PIEZO2: variants seen among roughly 807,000 people sequenced by gnomAD.
PIEZO2 encodes piezo type mechanosensitive ion channel component 2, also known as piezo-type mechanosensitive ion channel component 2.
A neutral mutation model predicts 337.3 loss-of-function variants in PIEZO2; 172 were observed. The observed-to-expected ratio is 0.51, with a 90% CI of 0.45 to 0.58. The LOEUF is 0.58. PIEZO2 is among the 20% of genes least tolerant of loss of function. The pLI, the probability that PIEZO2 is intolerant of heterozygous loss-of-function variation, is 0.00. For synonymous variants in PIEZO2, 1,251 were observed against 1,228.5 expected, an observed-to-expected ratio of 1.02 and a Z score of -0.38; for missense variants, 3,028 against 3,391.3, an observed-to-expected ratio of 0.89 and a Z score of 2.66.
In PIEZO2 at chr18:10,872,912, A is replaced by T. The variant is rs1431330214; in HGVS notation, c.330-1497T>A. On this transcript the variant is annotated intron_variant, in intron 4 of 55. Transcript: ENST00000674853. This position sits in a 1 kb window ranked among gnomAD's most constrained non-coding sequence, Gnocchi z 4.3. ...GTACCAGCATTAAAACTTCTGGGGA[A>T]GATAAGATGATCCATGGAAAAATCA... 6.6e-6 allele frequency among the ~76,000 whole-genome samples: 1 copy of T among 152,208 alleles called. No individual in the cohort carries two copies. The highest frequency in any genetic ancestry group is 2.4e-5 in the African/African-American group (1 of 41,466).
chr18:11,104,786 C>T lies in PIEZO2; in HGVS notation c.65-38564G>A, dbSNP rs552500980. The stretch of plus-strand genomic sequence containing the variant: ...GGGACATAACTACAATGCAGTATAA[C>T]GGCGCCTGCTTCTCTTGGGGACCAC... On this transcript the variant is annotated intron_variant, in intron 1 of 55. Coordinates refer to ENST00000674853, the MANE Select transcript of PIEZO2 (RefSeq NM_001378183.1). This position sits in a 1 kb window ranked among gnomAD's most constrained non-coding sequence, Gnocchi z 4.6. Among the ~76,000 whole-genome samples, 33 of 152,292 alleles carry T rather than the reference C, an allele frequency of 2.2e-4. No homozygotes were observed. The highest frequency in any genetic ancestry group is 3.6e-4 in the African/African-American group (15 of 41,576).
intron 4 of PIEZO2, among the ~76,000 whole-genome samples, chr18:10,892,883 A>G: frequency 6.6e-6 from 1 of 152,266 alleles, no homozygotes; most frequent in South Asian, 2.1e-4. Context: ...GTTGAAAATA[A>G]CAGAAATTGT....
chr18:10,983,949 C>G (rs933175685), intron 2 of PIEZO2, among the ~76,000 whole-genome samples: 2 of 152,100 alleles, frequency 1.3e-5, no homozygotes, highest in African/African-American at 4.8e-5. Flanking sequence ...AGAAGGCACA[C>G]AATCCTAAGA....
At chr18:10,950,746 C>T (rs112853315) in intron 3 of PIEZO2, among the ~76,000 whole-genome samples, 6 of 152,174 alleles carry the variant, frequency 3.9e-5, no homozygotes, top group African/African-American at 1.4e-4. Flanking sequence ...TGTACCAAAT[C>T]CGAGCTTCCT....
At chr18:10,960,779 C>A (rs2033737234) in intron 3 of PIEZO2, among the ~76,000 whole-genome samples, 1 of 152,168 alleles carries the variant, frequency 6.6e-6, no homozygotes, top group Non-Finnish European at 1.5e-5. Context: ...TCTTAGGGAC[C>A]TTGGGAAAAA....
intron 3 of PIEZO2, among the ~76,000 whole-genome samples, chr18:10,933,938 G>A (rs2032230824): frequency 6.6e-6 from 1 of 152,142 alleles, no homozygotes. Context: ...TTTGCTTTTT[G>A]CCATGATTGT....
intron 8 of PIEZO2, among the ~76,000 whole-genome samples, chr18:10,806,363 A>C (rs575781851): frequency 2.6e-4 from 39 of 152,250 alleles, no homozygotes; most frequent in African/African-American, 9.1e-4. Context: ...CATTTAGGGG[A>C]AAGAAAAGCA....
chr18:10,700,750 G>A (rs909680134), intron 43 of PIEZO2, among the ~76,000 whole-genome samples: 2 of 152,164 alleles, frequency 1.3e-5, no homozygotes, highest in African/African-American at 4.8e-5. Context: ...TTATTAATAT[G>A]TTCATAACAA....
chr18:11,014,199 G>C (rs1257586986), intron 2 of PIEZO2, among the ~76,000 whole-genome samples: 1 of 151,554 alleles, frequency 6.6e-6, no homozygotes, highest in African/African-American at 2.4e-5. Flanking sequence ...CACCCTGGGT[G>C]GGACAGCGAT....
intron 2 of PIEZO2, among the ~76,000 whole-genome samples, chr18:11,063,308 C>A (rs2038037495): frequency 6.6e-6 from 1 of 150,740 alleles, no homozygotes; most frequent in African/African-American, 2.4e-5. Context: ...GGAGGGATAG[C>A]ATTAGGAGAT....
intron 14 of PIEZO2, among the ~76,000 whole-genome samples, chr18:10,790,700 T>C (rs1477343341): frequency 7.4e-6 from 1 of 135,850 alleles, no homozygotes; most frequent in African/African-American, 2.8e-5. Flanking sequence ...GAGGATCAAA[T>C]GGCACTTTTT....
rs1341854991 is a variant in PIEZO2, at chr18:11,132,233, C to T, written c.64+16292G>A. On this transcript the variant is annotated intron_variant, in intron 1 of 55. Coordinates refer to ENST00000674853, the MANE Select transcript of PIEZO2 (RefSeq NM_001378183.1). This position sits in a 1 kb window ranked among gnomAD's most constrained non-coding sequence, Gnocchi z 4.7. ...CTACCATCCATGGACTCACAGAATG[C>T]CTTATCCACCAACATGGTATTCCAC... Among the ~76,000 whole-genome samples, 2 of 152,168 alleles carry T rather than the reference C, an allele frequency of 1.3e-5. No homozygotes were observed. Among genetic ancestry groups the T allele is most frequent in the African/African-American group, 2.4e-5 (1 of 41,438 alleles).
At chr18:10,881,669 C>T (rs1190824905) in intron 4 of PIEZO2, among the ~76,000 whole-genome samples, 1 of 152,172 alleles carries the variant, frequency 6.6e-6, no homozygotes, top group Non-Finnish European at 1.5e-5. Flanking sequence ...CCTAGAGAGC[C>T]AGTTGTTAAA....
Position 10,903,678 on chromosome 18 carries a change from A to T in PIEZO2, c.329+7508T>A, listed in dbSNP as rs2043106502. On this transcript the variant is annotated intron_variant, in intron 4 of 55. Coordinates refer to ENST00000674853, the MANE Select transcript of PIEZO2 (RefSeq NM_001378183.1). The surrounding 1 kb of genome is among the most constrained non-coding windows in gnomAD (Gnocchi z 4.1). ...ACAGAGCAAGACTCCATCTCAAAAA[A>T]AAAAAGATTCAAACTTCTTGGCATT... Among the ~76,000 whole-genome samples the T allele has an allele frequency of 6.6e-6, 1 of 152,094 alleles. No individual in the cohort carries two copies. The highest frequency in any genetic ancestry group is 2.4e-5 in the African/African-American group (1 of 41,398).
chr18:11,120,663 T>C (rs1376946945), intron 1 of PIEZO2, among the ~76,000 whole-genome samples: 1 of 152,182 alleles, frequency 6.6e-6, no homozygotes, highest in Non-Finnish European at 1.5e-5. Context: ...TTTAAAGAAG[T>C]ACCATCAATT....
intron 36 of PIEZO2, among the ~76,000 whole-genome samples, chr18:10,731,186 T>G (rs1290042454): frequency 4.4e-4 from 25 of 56,236 alleles, no homozygotes; most frequent in South Asian, 2.5e-3. Context: ...ATTATATATA[T>G]ATATATATAT....
At chr18:11,034,273 A>T (rs2036843664) in intron 2 of PIEZO2, among the ~76,000 whole-genome samples, 1 of 151,768 alleles carries the variant, frequency 6.6e-6, no homozygotes, top group Non-Finnish European at 1.5e-5. Flanking sequence ...CTATTTACTG[A>T]TTAAATGTAT....
rs995775595 is a variant in PIEZO2, at chr18:10,815,322, G to T, written c.918-8048C>A. 3.9e-5 allele frequency among the ~76,000 whole-genome samples: 6 copies of T among 152,158 alleles called. No individual in the cohort carries two copies. The highest frequency in any genetic ancestry group is 1.4e-4 in the African/African-American group (6 of 41,414). ...AAGAAAAGAATGGTGATCCAGACAT[G>T]GATTCGAGCCCTGCCTGAATGATTA... On this transcript the variant is annotated intron_variant, in intron 7 of 55. Transcript: ENST00000674853. The surrounding 1 kb of genome is among the most constrained non-coding windows in gnomAD (Gnocchi z 4.1).
Position 10,813,347 on chromosome 18 carries a change from G to A in PIEZO2, c.918-6073C>T, listed in dbSNP as rs9945781. Among the ~76,000 whole-genome samples the A allele has an allele frequency of 1.3e-5, 2 of 151,870 alleles. No homozygotes were observed. The highest frequency in any genetic ancestry group is 1.9e-4 in the East Asian group (1 of 5,188). On this transcript the variant is annotated intron_variant, in intron 7 of 55. Coordinates refer to ENST00000674853, the MANE Select transcript of PIEZO2 (RefSeq NM_001378183.1). This position sits in a 1 kb window ranked among gnomAD's most constrained non-coding sequence, Gnocchi z 4.2. Reference sequence around the variant, plus strand: ...CACTCATATTGTTGCGAAACCAATCGCCAGAACTTTTTCATCTTGCAAAAC... The same window carrying A: ...CACTCATATTGTTGCGAAACCAATCACCAGAACTTTTTCATCTTGCAAAAC...
Sources: gnomAD v4.1 joint callset for allele counts (sites outside exome capture counted in the v4.1 genomes callset) on GRCh38, gnomAD v4.1.1 for gene constraint, Gnocchi (gnomAD v3.1) non-coding constraint, MANE v1.5 for transcripts, NCBI Gene and HGNC (gene_info 2026-07-23, HGNC 2026-07-21) for gene names.